EPS8: variants seen among roughly 807,000 people sequenced by gnomAD.
EPS8 encodes the protein epidermal growth factor receptor kinase substrate 8.
A neutral mutation model predicts 103.8 loss-of-function variants in EPS8; 42 were observed. The observed-to-expected ratio is 0.40, with a 90% CI of 0.32 to 0.52. The LOEUF (loss-of-function observed/expected upper bound fraction) is 0.52, where lower values mean the gene tolerates loss of function less well. Ranked by LOEUF, EPS8 falls within the 20% of genes least tolerant of loss-of-function variation. EPS8 has a pLI of 0.40. For synonymous variants in EPS8, 344 were observed against 344.6 expected (o/e 1.00, Z 0.02); for missense variants, 969 against 1,005.1 (o/e 0.96, Z 0.49).
rs1440713299 is a variant in EPS8, at chr12:15,673,663, T to C, written c.137-2740A>G. 2.6e-5 allele frequency among the ~76,000 whole-genome samples: 4 copies of C among 152,164 alleles called. No individual in the cohort carries two copies. The East Asian group carries it at 5.8e-4, about 22-fold the overall frequency. ...AACAGTGTGCAACTCATCTACTATA[T>C]ACTATCTCTTCAAGCAGAACATTTT... On this transcript the variant is annotated intron_variant, in intron 3 of 20. Coordinates refer to ENST00000281172, the MANE Select transcript of EPS8 (RefSeq NM_004447.6).
intron 13 of EPS8, among the ~76,000 whole-genome samples, chr12:15,653,331 C>T (rs1945447218): frequency 6.6e-6 from 1 of 152,172 alleles, no homozygotes. Flanking sequence ...TTCTCCACAG[C>T]CTACAGAACC....
chr12:15,783,715 TAA>T (rs34686335), intron 1 of EPS8, among the ~76,000 whole-genome samples: 1,444 of 95,308 alleles, frequency 0.015, 14 homozygotes, highest in East Asian at 0.044. Flanking sequence ...TCTGAGTTAG[TAA>T]AAAAAAAAAA....
chr12:15,657,905 A>AT, intron 12 of EPS8, 174 bp downstream of exon 12: 1 of 582,798 alleles, frequency 1.7e-6, no homozygotes, highest in Non-Finnish European at 3.0e-6. Context: ...AAACTAGATG[A>AT]TTTACAGGGT....
chr12:15,667,544 T>C (rs1406968101), intron 6 of EPS8, among the ~76,000 whole-genome samples: 2 of 152,090 alleles, frequency 1.3e-5, no homozygotes, highest in Non-Finnish European at 2.9e-5. Context: ...AAAATAATTA[T>C]TTAAAAAAAC....
chr12:15,666,250 AC>A (rs373604156), intron 7 of EPS8, among the ~76,000 whole-genome samples, 189 bp downstream of exon 7: 2 of 152,208 alleles, frequency 1.3e-5, no homozygotes, highest in African/African-American at 4.8e-5. Flanking sequence ...TCAGAGAAAG[AC>A]CAAAAATATG....
intron 18 of EPS8, among the ~76,000 whole-genome samples, chr12:15,625,375 T>C (rs1281610772): frequency 6.6e-6 from 1 of 152,206 alleles, no homozygotes. Context: ...GCAAACATGC[T>C]ATTATTTTAT....
Position 15,658,560 on chromosome 12 carries a change from T to A in EPS8, c.963A>T (p.Lys321Asn), listed in dbSNP as rs1182798045. The change falls in exon 11 of 21, where the codon AAA (lysine) becomes AAT (asparagine). Residue 321 changes from lysine (K) to asparagine (N), a missense_variant. Lys to Asn is a moderately conservative substitution (Grantham distance 94, BLOSUM62 0). Transcript: ENST00000281172. ...PGEGVLTLRAKPPPPDEFLDC... is the reference protein window; with the variant it reads ...PGEGVLTLRANPPPPDEFLDC... ...CAAGAAATTCATCAGGAGGTGGAGG[T>A]TTTGCCCGCAGCGTTAAAACACCCT... The A allele has an allele frequency of 6.2e-7, 1 of 1,612,192 alleles. No homozygotes were observed. Among genetic ancestry groups the A allele is most frequent in the South Asian group, 1.1e-5 (1 of 90,950 alleles).
chr12:15,681,557 C>G (rs1946007406), intron 2 of EPS8, among the ~76,000 whole-genome samples: 1 of 151,340 alleles, frequency 6.6e-6, no homozygotes, highest in African/African-American at 2.4e-5. Flanking sequence ...ATGGAGAAAC[C>G]CCATCTCTAC....
At chr12:15,662,485 T>C in intron 8 of EPS8, 1 of 998,762 alleles carries the variant, frequency 1.0e-6, no homozygotes, top group Non-Finnish European at 1.2e-6. Context: ...TAAGTTCTAA[T>C]GCAACAGAGC....
In EPS8 at chr12:15,702,937, T is replaced by C. The variant is rs998903605; in HGVS notation, c.-21-19965A>G. Among the ~76,000 whole-genome samples the C allele has an allele frequency of 9.2e-5, 14 of 152,118 alleles. No individual in the cohort carries two copies. Among genetic ancestry groups the C allele is most frequent in the Non-Finnish European group, 1.9e-4 (13 of 68,004 alleles). ...AGGCCGAGGTGGGTGGATCACAAGG[T>C]CAGGAGATTGAGACCATCCTGGCCA... On this transcript the variant is annotated intron_variant, in intron 1 of 20. Transcript: ENST00000281172. This position sits in a 1 kb window ranked among gnomAD's most constrained non-coding sequence, Gnocchi z 5.1.
chr12:15,672,665 T>C (rs1329324681), intron 3 of EPS8, among the ~76,000 whole-genome samples: 1 of 152,256 alleles, frequency 6.6e-6, no homozygotes, highest in East Asian at 1.9e-4. Context: ...GATTAATCAG[T>C]GTGAGATATT....
rs1311573446 is a variant in EPS8, at chr12:15,769,163, A to G, written c.-22+19998T>C. Among the ~76,000 whole-genome samples, 2 of 152,122 alleles carry G rather than the reference A, an allele frequency of 1.3e-5. No homozygotes were observed. Among genetic ancestry groups the G allele is most frequent in the African/African-American group, 4.8e-5 (2 of 41,426 alleles). ...CCATTAACCAGGATCACATGAACTA[A>G]CCTGAAAGAAAAAAACAGGAGTTCT... On this transcript the variant is annotated intron_variant, in intron 1 of 20. Transcript: ENST00000281172. This position sits in a 1 kb window ranked among gnomAD's most constrained non-coding sequence, Gnocchi z 4.6.
At chr12:15,666,591 GA>G in intron 6 of EPS8, 69 bp from the exon 7 acceptor site, 1 of 1,089,060 alleles carries the variant, frequency 9.2e-7, no homozygotes, top group Non-Finnish European at 1.4e-6. Context: ...GTTTAAAACA[GA>G]AAAAGGGATT....
At chr12:15,630,536 C>A (rs528819986) in intron 18 of EPS8, among the ~76,000 whole-genome samples, 19 of 152,068 alleles carry the variant, frequency 1.2e-4, no homozygotes, top group Admixed American at 1.1e-3. Context: ...TCATAGAAAC[C>A]ATTTATATGA....
rs984182602 is a variant in EPS8, at chr12:15,767,817, C to A, written c.-22+21344G>T. On this transcript the variant is annotated intron_variant, in intron 1 of 20. Coordinates refer to ENST00000281172, the MANE Select transcript of EPS8 (RefSeq NM_004447.6). This position sits in a 1 kb window ranked among gnomAD's most constrained non-coding sequence, Gnocchi z 5.5. ...GCTGTCTGGAAATCTGTTTTCCCAA[C>A]AGGATTTTGCAAAGCAAAAACATTT... is the stretch of plus-strand genomic sequence containing the variant. Among the ~76,000 whole-genome samples the A allele has an allele frequency of 6.6e-6, 1 of 152,164 alleles. No individual in the cohort carries two copies. The highest frequency in any genetic ancestry group is 1.5e-5 in the Non-Finnish European group (1 of 68,028).
chr12:15,631,910 G>A (rs1945053539), intron 17 of EPS8: 2 of 330,006 alleles, frequency 6.1e-6, no homozygotes, highest in Non-Finnish European at 1.1e-5. Flanking sequence ...GCAAATAGTA[G>A]TATTATAGTA....
At chr12:15,685,854 T>C (rs779490467) in intron 1 of EPS8, among the ~76,000 whole-genome samples, 47 of 152,204 alleles carry the variant, frequency 3.1e-4, no homozygotes, top group Non-Finnish European at 5.7e-4. Context: ...TGATCAACTC[T>C]AACTGAAAAA....
chr12:15,694,191 G>A (rs978980394), intron 1 of EPS8, among the ~76,000 whole-genome samples: 2 of 152,168 alleles, frequency 1.3e-5, no homozygotes, highest in African/African-American at 4.8e-5. Context: ...CCTCTAATGT[G>A]AACTTGAGAG....
intron 14 of EPS8, among the ~76,000 whole-genome samples, chr12:15,649,139 A>G (rs1198592916): frequency 6.6e-6 from 1 of 152,230 alleles, no homozygotes; most frequent in Non-Finnish European, 1.5e-5. Context: ...TATAGTTTAT[A>G]ACAGGAAAAT....
Sources: allele counts gnomAD v4.1 joint callset (sites outside exome capture counted in the v4.1 genomes callset), GRCh38; gene constraint gnomAD v4.1.1; non-coding constraint Gnocchi (gnomAD v3.1); transcripts MANE v1.5; gene names NCBI Gene and HGNC (gene_info 2026-07-23, HGNC 2026-07-21).